Variants in CDH6 observed in about 807,000 individuals in gnomAD.
The protein encoded by CDH6 is cadherin 6, also known as cadherin-6.
Under a neutral mutation model 78.0 loss-of-function variants are expected in CDH6, and 31 were observed. The ratio of observed to expected loss-of-function variants is 0.40; its 90% CI spans 0.30 to 0.54. The LOEUF is 0.54. Ranked by LOEUF, CDH6 falls within the 20% of genes least tolerant of loss-of-function variation. The pLI, the probability that CDH6 is intolerant of heterozygous loss-of-function variation, is 0.56. For missense variants in CDH6, 724 were observed against 975.9 expected, an observed-to-expected ratio of 0.74 and a Z score of 3.44; for synonymous variants, 376 against 368.8, an observed-to-expected ratio of 1.02 and a Z score of -0.23.
intron 11 of CDH6, among the ~76,000 whole-genome samples, chr5:31,320,884 C>T (rs1738461189): frequency 6.6e-6 from 1 of 151,298 alleles, no homozygotes; most frequent in Admixed American, 6.6e-5. Context: ...GAGGCTGAGG[C>T]AGGAGAATTG....
chr5:31,321,593 C>T (rs974711002), intron 11 of CDH6, among the ~76,000 whole-genome samples: 12 of 152,048 alleles, frequency 7.9e-5, no homozygotes, highest in African/African-American at 2.2e-4. Context: ...AAGCTCTCAA[C>T]GGGTAACCAA....
Position 31,322,842 on chromosome 5 carries a change from T to C in CDH6, c.1907T>C (p.Leu636Pro), listed in dbSNP as rs1353341271. The change falls in exon 12 of 12, where the codon CTG becomes CCG. Residue 636 changes from leucine (L) to proline (P), a missense_variant. Physicochemically the swap from Leu to Pro is moderately conservative, Grantham distance 98. Around this residue, in one of 3 missense-constraint regions of CDH6, gnomAD observed 220 missense variants for 240.6 expected, o/e 0.91. Transcript: ENST00000265071. ...GTGACAGTGGTGCTGTTTGCAGCTC[T>C]GAGGCGGCAGCGAAAAAAAGAGCCT... Reference protein sequence around the residue: ...LLVTVVLFAALRRQRKKEPLI... With the variant: ...LLVTVVLFAAPRRQRKKEPLI... 5.0e-6 allele frequency: 8 copies of C among 1,613,784 alleles called. No individual in the cohort carries two copies. Among genetic ancestry groups the C allele is most frequent in the Non-Finnish European group, 6.8e-6 (8 of 1,179,858 alleles).
intron 2 of CDH6, among the ~76,000 whole-genome samples, chr5:31,272,255 C>T (rs1030567133): frequency 6.6e-6 from 1 of 152,132 alleles, no homozygotes. Context: ...GATTGAACAA[C>T]CAGCAGAGTG....
At chr5:31,313,483 C>A (rs772518328) in intron 8 of CDH6, 29 bp downstream of exon 8, 56 of 1,597,220 alleles carry the variant, frequency 3.5e-5, no homozygotes, top group Non-Finnish European at 4.5e-5. Flanking sequence ...CGCTGCTGTC[C>A]CCTATTAATA....
At position 31,297,294 on chromosome 5, in the gene CDH6, T is replaced by C. The variant is rs1488208912; in HGVS notation, c.529T>C (p.Phe177Leu). 1 of 1,611,664 alleles carries C rather than the reference T, an allele frequency of 6.2e-7. No individual in the cohort carries two copies. Among genetic ancestry groups the C allele is most frequent in the Non-Finnish European group, 8.5e-7 (1 of 1,177,958 alleles). ...TVPEMSDVGT[F>L]VVQVTATDAD... is the part of the protein sequence containing the mutation. ...TTATATTTCTGTCATTACAGGTACA[T>C]TTGTTGTCCAAGTCACTGCGACGGA... Residue 177 changes from phenylalanine to leucine, a missense_variant, in exon 4 of 12, where the codon TTT becomes CTT. Phe to Leu is a conservative substitution (Grantham distance 22, BLOSUM62 0). Coordinates refer to ENST00000265071, the MANE Select transcript of CDH6 (RefSeq NM_004932.4).
chr5:31,323,079 T>G lies in CDH6; in HGVS notation c.2144T>G (p.Phe715Cys). ...CGCGACAACACCGATGTCAGAGATTTCATTAACCAAAGGTTAAAGGAAAAT... is the reference window on the plus strand; with the variant it reads ...CGCGACAACACCGATGTCAGAGATTGCATTAACCAAAGGTTAAAGGAAAAT... ...TARDNTDVRD[F>C]INQRLKENDT... is the part of the protein sequence containing the mutation. Residue 715 changes from phenylalanine to cysteine, a missense_variant, in exon 12 of 12, where the codon TTC (phenylalanine) becomes TGC (cysteine). Physicochemically the swap from Phe to Cys is radical, Grantham distance 205. Coordinates refer to ENST00000265071, the MANE Select transcript of CDH6 (RefSeq NM_004932.4). 6.2e-7 allele frequency: 1 copy of G among 1,614,172 alleles called. No individual in the cohort carries two copies. Among genetic ancestry groups the G allele is most frequent in the Non-Finnish European group, 8.5e-7 (1 of 1,180,042 alleles).
chr5:31,253,844 G>A (rs1165740710), intron 1 of CDH6, among the ~76,000 whole-genome samples: 1 of 150,206 alleles, frequency 6.7e-6, no homozygotes. Context: ...TTTTAGAAGC[G>A]AATCTGAATG....
At chr5:31,237,998 G>A (rs1412962013) in intron 1 of CDH6, among the ~76,000 whole-genome samples, 2 of 152,066 alleles carry the variant, frequency 1.3e-5, no homozygotes, top group South Asian at 2.1e-4. Flanking sequence ...CCTAAAAGAT[G>A]GCCAATGGAT....
chr5:31,292,852 CATATATATAT>C (rs140377309), intron 2 of CDH6, among the ~76,000 whole-genome samples: 5 of 8,800 alleles, frequency 5.7e-4, no homozygotes, highest in Non-Finnish European at 2.8e-3. Context: ...TATATGTGTG[CATATATATAT>C]ATATATATAT....
intron 7 of CDH6, among the ~76,000 whole-genome samples, chr5:31,312,193 T>C (rs543395215): frequency 2.8e-4 from 43 of 152,224 alleles, no homozygotes; most frequent in Non-Finnish European, 5.7e-4. Flanking sequence ...TCAGTCCAGA[T>C]CTTAATCTAG....
intron 1 of CDH6, among the ~76,000 whole-genome samples, chr5:31,206,280 T>C (rs1159561618): frequency 6.6e-6 from 1 of 152,216 alleles, no homozygotes; most frequent in East Asian, 1.9e-4. Context: ...GGGTATTTTA[T>C]ATATACATAT....
intron 7 of CDH6, among the ~76,000 whole-genome samples, chr5:31,306,786 A>T (rs1297399346): frequency 3.3e-5 from 5 of 152,142 alleles, no homozygotes; most frequent in African/African-American, 1.2e-4. Context: ...ACAAACAGTA[A>T]ATATGTAATA....
At chr5:31,304,278 AC>A (rs1737912457) in intron 6 of CDH6, among the ~76,000 whole-genome samples, 1 of 152,176 alleles carries the variant, frequency 6.6e-6, no homozygotes, top group African/African-American at 2.4e-5. Flanking sequence ...CCACAGAATC[AC>A]CGGGGGAAGT....
intron 2 of CDH6, among the ~76,000 whole-genome samples, chr5:31,269,615 T>A (rs1012649862): frequency 2.7e-4 from 41 of 152,090 alleles, no homozygotes; most frequent in Non-Finnish European, 1.0e-4. Context: ...AAATCCGTTG[T>A]ATATGTTCTA....
intron 1 of CDH6, among the ~76,000 whole-genome samples, chr5:31,227,817 C>A (rs928131482): frequency 6.6e-6 from 1 of 152,198 alleles, no homozygotes; most frequent in Non-Finnish European, 1.5e-5. Flanking sequence ...CCTTAACCAT[C>A]CTACATCTAA....
At chr5:31,219,116 AAG>A (rs1740940506) in intron 1 of CDH6, among the ~76,000 whole-genome samples, 1 of 152,344 alleles carries the variant, frequency 6.6e-6, no homozygotes, top group South Asian at 2.1e-4. Context: ...GAATAGAACA[AAG>A]ACTCAAACAC....
chr5:31,247,699 A>G (rs1193405905), intron 1 of CDH6, among the ~76,000 whole-genome samples: 1 of 152,222 alleles, frequency 6.6e-6, no homozygotes, highest in Non-Finnish European at 1.5e-5. Flanking sequence ...AATATTTCTA[A>G]ATGACTTTAA....
At chr5:31,313,985 C>G (rs1014434366) in intron 8 of CDH6, among the ~76,000 whole-genome samples, 4 of 151,966 alleles carry the variant, frequency 2.6e-5, no homozygotes, top group Non-Finnish European at 5.9e-5. Context: ...ATCAAGTAAT[C>G]AGTAAAATGA....
chr5:31,281,509 A>G (rs528910695), intron 2 of CDH6, among the ~76,000 whole-genome samples: 1 of 152,298 alleles, frequency 6.6e-6, no homozygotes, highest in South Asian at 2.1e-4. Flanking sequence ...TGGCTTTCTG[A>G]AAATGAAAAT....
Sources: gnomAD v4.1 joint callset for allele counts (sites outside exome capture counted in the v4.1 genomes callset) on GRCh38, gnomAD v4.1.1 for gene constraint, gnomAD v4.1.1 regional missense constraint, MANE v1.5 for transcripts, NCBI Gene and HGNC (gene_info 2026-07-23, HGNC 2026-07-21) for gene names.